The following RAB7A variants were observed in gnomAD, a reference collection of about 807,000 sequenced individuals.
RAB7A encodes ras-related protein Rab-7a.
RAB7A carries 2 observed loss-of-function variants against 24.5 expected under a neutral mutation model. The ratio of observed to expected loss-of-function variants is 0.08; its 90% CI spans 0.03 to 0.26. The LOEUF (loss-of-function observed/expected upper bound fraction) is 0.26, where lower values mean the gene tolerates loss of function less well. RAB7A is among the 10% of genes least tolerant of loss of function. The pLI is 1.00. For missense variants in RAB7A, 118 were observed against 255.7 expected, an observed-to-expected ratio of 0.46 and a Z score of 3.67; for synonymous variants, 100 against 95.9, an observed-to-expected ratio of 1.04 and a Z score of -0.25.
intron 1 of RAB7A, among the ~76,000 whole-genome samples, chr3:128,772,016 C>A (rs1490266450): frequency 1.3e-5 from 2 of 152,144 alleles, no homozygotes; most frequent in Non-Finnish European, 2.9e-5. Flanking sequence ...AGGGTAAGAT[C>A]ATAACTCATT....
chr3:128,764,178 G>C (rs1255084364), intron 1 of RAB7A, among the ~76,000 whole-genome samples: 5 of 152,082 alleles, frequency 3.3e-5, no homozygotes, highest in African/African-American at 1.2e-4. Flanking sequence ...ACTCCTTTCT[G>C]TCCTTCCCCG....
chr3:128,761,702 A>G (rs1459585020), intron 1 of RAB7A, among the ~76,000 whole-genome samples: 1 of 152,240 alleles, frequency 6.6e-6, no homozygotes, highest in Non-Finnish European at 1.5e-5. Flanking sequence ...TCTCCTCTAG[A>G]GCAGCAGCTG....
At chr3:128,795,267 A>C in intron 1 of RAB7A, 93 bp from the exon 2 acceptor site, 3 of 1,052,600 alleles carry the variant, frequency 2.9e-6, no homozygotes, top group Non-Finnish European at 4.5e-6. Flanking sequence ...AGGGCCCTGC[A>C]CTGTTGGGGC....
intron 1 of RAB7A, among the ~76,000 whole-genome samples, chr3:128,750,229 A>G (rs1326641077): frequency 2.0e-5 from 3 of 152,146 alleles, no homozygotes; most frequent in Non-Finnish European, 4.4e-5. Context: ...TTTTAACTTG[A>G]GAGAGATGAT....
At chr3:128,813,103 T>G (rs1367243110) in intron 5 of RAB7A, among the ~76,000 whole-genome samples, 1 of 152,232 alleles carries the variant, frequency 6.6e-6, no homozygotes, top group Non-Finnish European at 1.5e-5. Context: ...CTCTTCACAT[T>G]GACCTGGAGT....
intron 3 of RAB7A, 166 bp downstream of exon 3, chr3:128,798,235 T>A: frequency 1.2e-6 from 1 of 814,648 alleles, no homozygotes; most frequent in Non-Finnish European, 1.9e-6. Context: ...CAATAGTGAA[T>A]ACTTTTTTAG....
chr3:128,758,574 C>T (rs1383161760), intron 1 of RAB7A, among the ~76,000 whole-genome samples: 5 of 152,138 alleles, frequency 3.3e-5, no homozygotes, highest in African/African-American at 1.2e-4. Flanking sequence ...CTGGCCCAGC[C>T]TCCTGCGTTT....
At chr3:128,772,711 A>G (rs1932980201) in intron 1 of RAB7A, among the ~76,000 whole-genome samples, 1 of 152,224 alleles carries the variant, frequency 6.6e-6, no homozygotes, top group Admixed American at 6.5e-5. Flanking sequence ...GACTCAATTA[A>G]GGGTTTAAAA....
chr3:128,745,479 G>A (rs1023560598), intron 1 of RAB7A, among the ~76,000 whole-genome samples: 17 of 151,982 alleles, frequency 1.1e-4, no homozygotes, highest in Admixed American at 1.3e-4. Flanking sequence ...TTCTCCCACC[G>A]CAGCCTCCTG....
At chr3:128,741,345 G>C (rs527464493) in intron 1 of RAB7A, among the ~76,000 whole-genome samples, 2 of 152,058 alleles carry the variant, frequency 1.3e-5, no homozygotes, top group Admixed American at 1.3e-4. Context: ...ATTATGCTTA[G>C]GCCTTTCCCA....
At chr3:128,745,097 A>G (rs1696304471) in intron 1 of RAB7A, among the ~76,000 whole-genome samples, 1 of 151,518 alleles carries the variant, frequency 6.6e-6, no homozygotes. Context: ...GATGGTCTCA[A>G]TCTCCTGACC....
intron 1 of RAB7A, among the ~76,000 whole-genome samples, chr3:128,783,326 G>A (rs1433651924): frequency 2.0e-5 from 3 of 151,572 alleles, no homozygotes; most frequent in Non-Finnish European, 4.4e-5. Context: ...TTTCAAAAAG[G>A]TGTCTGGGCC....
At position 128,731,553 on chromosome 3, in the gene RAB7A, T is replaced by C. The variant is rs190371268; in HGVS notation, c.-9+5194T>C. Among the ~76,000 whole-genome samples the C allele has an allele frequency of 5.3e-5, 8 of 152,350 alleles. No individual in the cohort carries two copies. In the South Asian group the frequency reaches 1.4e-3, roughly 28 times the overall value. ...TTTCATTTGGTGCTCACAACTGTTG[T>C]GTGTATCTGCCTGAAATAGCTGAGG... On this transcript the variant is annotated intron_variant, in intron 1 of 5. Coordinates refer to ENST00000265062, the MANE Select transcript of RAB7A (RefSeq NM_004637.6).
chr3:128,794,619 G>C, intron 1 of RAB7A, among the ~76,000 whole-genome samples: 1 of 152,254 alleles, frequency 6.6e-6, no homozygotes, highest in East Asian at 1.9e-4. Flanking sequence ...TACAGCAGGA[G>C]CCCTGTCTTG....
intron 3 of RAB7A, chr3:128,798,840 A>AAG: frequency 3.9e-6 from 1 of 259,032 alleles, no homozygotes; most frequent in Non-Finnish European, 7.4e-6. Flanking sequence ...AAAAAAAAAA[A>AAG]AAAAAGAATC....
At chr3:128,729,493 C>T (rs1190940993) in intron 1 of RAB7A, among the ~76,000 whole-genome samples, 2 of 151,382 alleles carry the variant, frequency 1.3e-5, no homozygotes, top group African/African-American at 4.9e-5. Flanking sequence ...TGGCGTGAAC[C>T]CAGGAGGCAG....
At position 128,744,687 on chromosome 3, in the gene RAB7A, AAC is replaced by A. The variant is rs561116222; in HGVS notation, c.-9+18332_-9+18333del. Among the ~76,000 whole-genome samples the A allele has an allele frequency of 3.9e-5, 6 of 152,244 alleles. No individual in the cohort carries two copies. The South Asian group carries it at 1.2e-3, about 32-fold the overall frequency. On this transcript the variant is annotated intron_variant, in intron 1 of 5. Transcript: ENST00000265062. ...CTATTGTGGACCTTTTGGCCCAATT[AAC>A]ACAGGCCCACAGGATTTAAAGTTGC...
chr3:128,798,442 C>G (rs756284582), intron 3 of RAB7A: 10 of 259,000 alleles, frequency 3.9e-5, no homozygotes, highest in African/African-American at 2.0e-4. Context: ...ATCTTTGTCT[C>G]ACCTCAGTAG....
intron 1 of RAB7A, among the ~76,000 whole-genome samples, chr3:128,772,382 C>T (rs1932971138): frequency 1.3e-5 from 2 of 152,096 alleles, no homozygotes; most frequent in Non-Finnish European, 2.9e-5. Flanking sequence ...AATTTGTTTA[C>T]AGAATGTGAG....
Sources: allele counts gnomAD v4.1 joint callset (sites outside exome capture counted in the v4.1 genomes callset), GRCh38; gene constraint gnomAD v4.1.1; transcripts MANE v1.5; gene names NCBI Gene and HGNC (gene_info 2026-07-23, HGNC 2026-07-21).